The following PRICKLE1 variants were observed in gnomAD, a reference collection of about 807,000 sequenced individuals.
PRICKLE1 encodes the protein prickle planar cell polarity protein 1, also known as prickle-like protein 1.
A neutral mutation model predicts 70.2 loss-of-function variants in PRICKLE1; 14 were observed. That is an observed-to-expected ratio of 0.20 (90% CI 0.13 to 0.31). The LOEUF is 0.31. Among genes scored for constraint, PRICKLE1 ranks in the 10% least tolerant of loss-of-function variants. PRICKLE1 has a pLI of 1.00. For missense variants in PRICKLE1, 821 were observed against 1,026.2 expected, an observed-to-expected ratio of 0.80 and a Z score of 2.73; for synonymous variants, 357 against 379.9, an observed-to-expected ratio of 0.94 and a Z score of 0.70.
At chr12:42,516,586 G>C (rs770028971) in intron 1 of PRICKLE1, among the ~76,000 whole-genome samples, 1 of 152,034 alleles carries the variant, frequency 6.6e-6, no homozygotes, top group Non-Finnish European at 1.5e-5. Context: ...TGTTTTAACT[G>C]TTATTATCTT....
intron 1 of PRICKLE1, among the ~76,000 whole-genome samples, chr12:42,487,279 C>A (rs1939006998): frequency 6.6e-6 from 1 of 152,146 alleles, no homozygotes; most frequent in Admixed American, 6.5e-5. Flanking sequence ...TTCTAGTTAC[C>A]ATTACCTGGG....
chr12:42,551,723 A>T (rs1240982830), intron 1 of PRICKLE1, among the ~76,000 whole-genome samples: 1 of 152,192 alleles, frequency 6.6e-6, no homozygotes, highest in Non-Finnish European at 1.5e-5. Context: ...GGAGACGTTT[A>T]TTTGGACATC....
chr12:42,518,821 T>C (rs1939655885), intron 1 of PRICKLE1, among the ~76,000 whole-genome samples: 1 of 152,214 alleles, frequency 6.6e-6, no homozygotes, highest in Non-Finnish European at 1.5e-5. Context: ...ACACTAGCAA[T>C]AATATCCCTA....
At chr12:42,548,150 C>A (rs1393567728) in intron 1 of PRICKLE1, among the ~76,000 whole-genome samples, 1 of 151,906 alleles carries the variant, frequency 6.6e-6, no homozygotes. Context: ...CCTCTGAAAG[C>A]ACTAGGATTA....
chr12:42,520,846 C>T (rs188977625), intron 1 of PRICKLE1, among the ~76,000 whole-genome samples: 1 of 152,236 alleles, frequency 6.6e-6, no homozygotes, highest in East Asian at 1.9e-4. Context: ...AGTCTGTGCT[C>T]ACATCTATTG....
chr12:42,528,615 A>G (rs151257918), intron 1 of PRICKLE1, among the ~76,000 whole-genome samples: 108 of 152,350 alleles, frequency 7.1e-4, no homozygotes, highest in African/African-American at 2.5e-3. Flanking sequence ...TAAGTTATAA[A>G]GGAGTTAAAT....
At chr12:42,569,104 G>T (rs993287226) in intron 1 of PRICKLE1, among the ~76,000 whole-genome samples, 2 of 151,894 alleles carry the variant, frequency 1.3e-5, no homozygotes, top group East Asian at 1.9e-4. Context: ...TTTATTTTTT[G>T]ACAGCTGCAT....
intron 1 of PRICKLE1, among the ~76,000 whole-genome samples, chr12:42,539,459 C>G (rs1940070195): frequency 6.7e-6 from 1 of 148,862 alleles, no homozygotes; most frequent in African/African-American, 2.5e-5. Context: ...CAGAGCGAGA[C>G]TCTGTCTCAA....
intron 1 of PRICKLE1, among the ~76,000 whole-genome samples, chr12:42,528,756 A>C (rs1351286504): frequency 6.6e-6 from 1 of 152,228 alleles, no homozygotes; most frequent in Non-Finnish European, 1.5e-5. Context: ...GTCAATGCTC[A>C]AAAAATATCC....
At chr12:42,586,751 CTTAA>C (rs1467491965) in intron 1 of PRICKLE1, among the ~76,000 whole-genome samples, 1 of 152,162 alleles carries the variant, frequency 6.6e-6, no homozygotes, top group African/African-American at 2.4e-5. Flanking sequence ...ACTCATAATA[CTTAA>C]TTCTTTGTAT....
chr12:42,487,776 T>C (rs543319529), intron 1 of PRICKLE1, among the ~76,000 whole-genome samples: 23 of 152,340 alleles, frequency 1.5e-4, no homozygotes, highest in African/African-American at 5.1e-4. Flanking sequence ...CCAAGCGTAG[T>C]GGCCCACACC....
At chr12:42,522,642 G>A (rs1436785698) in intron 1 of PRICKLE1, among the ~76,000 whole-genome samples, 1 of 152,152 alleles carries the variant, frequency 6.6e-6, no homozygotes, top group Non-Finnish European at 1.5e-5. Context: ...TCACATTAAC[G>A]TACTTTTCCT....
At chr12:42,495,070 A>T (rs12313351) in intron 1 of PRICKLE1, among the ~76,000 whole-genome samples, 9,670 of 151,020 alleles carry the variant, frequency 0.064, 800 homozygotes, top group African/African-American at 0.17. Context: ...ATTAAAAAAA[A>T]TTTTTTAAGA....
intron 1 of PRICKLE1, among the ~76,000 whole-genome samples, chr12:42,552,059 CTTTTT>C (rs201217516): frequency 0.049 from 6,345 of 128,812 alleles, 134 homozygotes; most frequent in Middle Eastern, 0.074. Flanking sequence ...AAGAAAGTTA[CTTTTT>C]TTTTTTTTTT....
chr12:42,496,126 GA>G (rs941150772), intron 1 of PRICKLE1, among the ~76,000 whole-genome samples: 31 of 152,210 alleles, frequency 2.0e-4, no homozygotes, highest in African/African-American at 7.5e-4. Flanking sequence ...CTTGAAAGAT[GA>G]AACCATCCAT....
chr12:42,551,782 G>A (rs1012398963), intron 1 of PRICKLE1, among the ~76,000 whole-genome samples: 2 of 152,158 alleles, frequency 1.3e-5, no homozygotes, highest in Middle Eastern at 3.2e-3. Context: ...TCCAATGCTA[G>A]AGTCCAGTTA....
intron 1 of PRICKLE1, among the ~76,000 whole-genome samples, chr12:42,501,616 C>G (rs1377444979): frequency 6.6e-6 from 1 of 151,670 alleles, no homozygotes; most frequent in Non-Finnish European, 1.5e-5. Context: ...AAATGACCTT[C>G]CCTAACATGC....
intron 1 of PRICKLE1, among the ~76,000 whole-genome samples, chr12:42,473,184 C>G (rs1169064145): frequency 3.9e-5 from 6 of 152,232 alleles, no homozygotes; most frequent in African/African-American, 7.2e-5. Flanking sequence ...ATTAAATCCT[C>G]AAGCCTTTAC....
intron 1 of PRICKLE1, among the ~76,000 whole-genome samples, chr12:42,497,370 C>T (rs146035847): frequency 2.2e-4 from 34 of 151,910 alleles, no homozygotes; most frequent in African/African-American, 4.6e-4. Context: ...ACGGTGAAAC[C>T]CTGTCTCTAC....
Sources: allele counts gnomAD v4.1 joint callset (sites outside exome capture counted in the v4.1 genomes callset), GRCh38; gene constraint gnomAD v4.1.1; transcripts MANE v1.5; gene names NCBI Gene and HGNC (gene_info 2026-07-23, HGNC 2026-07-21).